Variants in EPB41L5 observed in about 807,000 individuals in gnomAD.
EPB41L5 encodes band 4.1-like protein 5.
EPB41L5 carries 55 observed loss-of-function variants against 106.6 expected under a neutral mutation model. The ratio of observed to expected loss-of-function variants is 0.52; its 90% CI spans 0.42 to 0.65. The LOEUF (loss-of-function observed/expected upper bound fraction) is 0.65. Ranked by LOEUF, EPB41L5 falls within the 30% of genes least tolerant of loss-of-function variation. The pLI is 0.00. For missense variants in EPB41L5, 871 were observed against 882.1 expected (o/e 0.99, Z 0.16); for synonymous variants, 297 against 306.7 (o/e 0.97, Z 0.33).
At chr2:120,039,190 T>TC (rs1397956814) in intron 2 of EPB41L5, among the ~76,000 whole-genome samples, 2 of 152,166 alleles carry the variant, frequency 1.3e-5, no homozygotes, top group East Asian at 3.9e-4. Context: ...CAAATACTGT[T>TC]ATGATTCTAC....
At chr2:120,039,407 T>C (rs184682708) in intron 2 of EPB41L5, among the ~76,000 whole-genome samples, 9 of 152,262 alleles carry the variant, frequency 5.9e-5, no homozygotes, top group African/African-American at 2.2e-4. Flanking sequence ...CTGAATTTTA[T>C]ACTTAAAATA....
intron 3 of EPB41L5, among the ~76,000 whole-genome samples, chr2:120,051,834 G>GT (rs35377394): frequency 8.5e-4 from 128 of 150,400 alleles, no homozygotes; most frequent in African/African-American, 2.8e-3. Context: ...GCATTGTTTT[G>GT]TTTTTTTTTT....
chr2:120,102,488 C>T (rs746431418), intron 16 of EPB41L5, among the ~76,000 whole-genome samples: 20 of 152,216 alleles, frequency 1.3e-4, no homozygotes, highest in South Asian at 2.1e-4. Context: ...TGGACTCTCC[C>T]GCCTTAATTT....
At chr2:120,030,845 G>A (rs748860458) in intron 2 of EPB41L5, among the ~76,000 whole-genome samples, 2 of 151,210 alleles carry the variant, frequency 1.3e-5, no homozygotes, top group East Asian at 1.9e-4. Flanking sequence ...GTGAGCCTCC[G>A]TGCCTGGCCT....
At chr2:120,038,245 A>G (rs756357489) in intron 2 of EPB41L5, among the ~76,000 whole-genome samples, 40 of 152,240 alleles carry the variant, frequency 2.6e-4, no homozygotes, top group Non-Finnish European at 4.3e-4. Context: ...AACATATATA[A>G]ATGGCTAATA....
At chr2:120,056,050 A>G (rs1490738531) in intron 3 of EPB41L5, among the ~76,000 whole-genome samples, 1 of 152,116 alleles carries the variant, frequency 6.6e-6, no homozygotes, top group Admixed American at 6.5e-5. Context: ...GTCTTCTACC[A>G]TCAAGTATGG....
chr2:120,146,282 A>G lies in EPB41L5; in HGVS notation c.1786A>G (p.Thr596Ala), dbSNP rs765078923. Residue 596 changes from threonine to alanine, a missense_variant, in exon 20 of 25, where the codon ACA becomes GCA. Physicochemically the swap from Thr to Ala is moderately conservative, Grantham distance 58. Transcript: ENST00000263713. ...HKNANVQDAA[T>A]NSAVLNENNV... The stretch of plus-strand genomic sequence containing the variant: ...AAATGCCAATGTTCAGGATGCTGCC[A>G]CAAACAGGTACAGTTCTGGGTAGAC... The G allele has an allele frequency of 1.5e-5, 24 of 1,607,632 alleles. No homozygotes were observed. In the Admixed American group the frequency reaches 2.8e-4, roughly 19 times the overall value.
At chr2:120,161,481 T>C (rs1187213794) in intron 21 of EPB41L5, among the ~76,000 whole-genome samples, 1 of 152,186 alleles carries the variant, frequency 6.6e-6, no homozygotes, top group East Asian at 1.9e-4. Flanking sequence ...TTCTCCAGTT[T>C]GTATGTACTT....
At chr2:120,150,827 T>C (rs1316576385) in intron 20 of EPB41L5, among the ~76,000 whole-genome samples, 1 of 152,244 alleles carries the variant, frequency 6.6e-6, no homozygotes, top group African/African-American at 2.4e-5. Context: ...CTTTTCACTT[T>C]CTTAGTGATC....
At position 120,045,851 on chromosome 2, in the gene EPB41L5, T is replaced by C. The variant is rs72840495; in HGVS notation, c.285+3741T>C. On this transcript the variant is annotated intron_variant, in intron 3 of 24. Coordinates refer to ENST00000263713, the MANE Select transcript of EPB41L5 (RefSeq NM_020909.4). Reference sequence around the variant, plus strand: ...AATGACAGGCCCTGGTGTGTGATGCTCGCCTTCCCAAGTGTTCTCATTGTT... The same window carrying C: ...AATGACAGGCCCTGGTGTGTGATGCCCGCCTTCCCAAGTGTTCTCATTGTT... Among the ~76,000 whole-genome samples the C allele has an allele frequency of 6.2e-3, 932 of 150,782 alleles. 10 individuals are homozygous for C. Among genetic ancestry groups the C allele is most frequent in the Non-Finnish European group, 6.8e-3 (462 of 67,622 alleles).
At chr2:120,052,741 C>T (rs1178401884) in intron 3 of EPB41L5, among the ~76,000 whole-genome samples, 1 of 152,180 alleles carries the variant, frequency 6.6e-6, no homozygotes, top group African/African-American at 2.4e-5. Flanking sequence ...TGCCCTACTC[C>T]AGCCCTGGAA....
At position 120,174,914 on chromosome 2, in the gene EPB41L5, G is replaced by A. The variant is rs1558923409; in HGVS notation, c.*7G>A. ...ACTGACCACTGAGCTCTGAGGGCCTGTAGCTGGAATACGCATCTCTCCAGC... is the reference window on the plus strand; with the variant it reads ...ACTGACCACTGAGCTCTGAGGGCCTATAGCTGGAATACGCATCTCTCCAGC... On this transcript the variant is annotated 3_prime_UTR_variant, in exon 25 of 25. Transcript: ENST00000263713. The A allele has an allele frequency of 3.7e-6, 6 of 1,613,508 alleles. No homozygotes were observed. The South Asian group carries it at 5.5e-5, about 15-fold the overall frequency.
chr2:120,101,194 CACA>C (rs72015679), intron 16 of EPB41L5, among the ~76,000 whole-genome samples: 1,605 of 152,310 alleles, frequency 0.011, 26 homozygotes, highest in African/African-American at 0.037. Flanking sequence ...TGTTATTCCA[CACA>C]ACATGATGCT....
At chr2:120,168,111 T>C in intron 24 of EPB41L5, 104 bp downstream of exon 24, 1 of 1,295,718 alleles carries the variant, frequency 7.7e-7, no homozygotes, top group Non-Finnish European at 1.0e-6. Flanking sequence ...CTTCCCTAAC[T>C]GAACTATATT....
In EPB41L5 at chr2:120,018,188, C is replaced by T. The variant is rs12104498; in HGVS notation, c.-8-889C>T. On this transcript the variant is annotated intron_variant, in intron 1 of 24. Coordinates refer to ENST00000263713, the MANE Select transcript of EPB41L5 (RefSeq NM_020909.4). ...TTCACCATGTTAGCCAGGATGGTCT[C>T]GATCTCCTGACCTCGTGATCCACCT... Among the ~76,000 whole-genome samples the T allele has an allele frequency of 8.3e-3, 1,258 of 151,926 alleles. 19 individuals carry two copies. Among genetic ancestry groups the T allele is most frequent in the African/African-American group, 0.029 (1,195 of 41,426 alleles).
intron 3 of EPB41L5, 120 bp downstream of exon 3, chr2:120,042,230 C>T (rs1679448933): frequency 6.4e-6 from 4 of 622,118 alleles, no homozygotes; most frequent in Non-Finnish European, 1.1e-5. Flanking sequence ...AAAGCTTTGA[C>T]ACCGCTCCCT....
intron 3 of EPB41L5, among the ~76,000 whole-genome samples, chr2:120,057,874 A>G (rs1172684743): frequency 6.6e-6 from 1 of 152,144 alleles, no homozygotes; most frequent in Non-Finnish European, 1.5e-5. Flanking sequence ...CCACAGTAGA[A>G]GTAATATATT....
Position 120,177,373 on chromosome 2 carries a change from T to TTGCC in EPB41L5, c.*2467_*2470dup, listed in dbSNP as rs1687956570. The stretch of plus-strand genomic sequence containing the variant: ...GGCAGCCGGGGGCACTGCTGAGGGT[T>TTGCC]TGCCGTGCACGCCTCGGACGGAGCA... On this transcript the variant is annotated 3_prime_UTR_variant, in exon 25 of 25. Coordinates refer to ENST00000263713, the MANE Select transcript of EPB41L5 (RefSeq NM_020909.4). The TTGCC allele has an allele frequency of 6.6e-6, 1 of 152,398 alleles. No homozygotes were observed. The highest frequency in any genetic ancestry group is 6.6e-5 in the Admixed American group (1 of 15,254). The allele number at this position is 152,398 out of a possible 1,614,324, so 9.4% of individuals were successfully genotyped here.
chr2:120,093,001 G>A (rs531351671), intron 13 of EPB41L5, among the ~76,000 whole-genome samples: 4 of 152,292 alleles, frequency 2.6e-5, no homozygotes, highest in African/African-American at 9.6e-5. Context: ...AGCACTTTGG[G>A]AGGCCAAGGT....
Sources: gnomAD v4.1 joint callset for allele counts (sites outside exome capture counted in the v4.1 genomes callset) on GRCh38, gnomAD v4.1.1 for gene constraint, MANE v1.5 for transcripts, NCBI Gene and HGNC (gene_info 2026-07-23, HGNC 2026-07-21) for gene names.